C3orf52: variants seen among roughly 807,000 people sequenced by gnomAD.
C3orf52 encodes the protein chromosome 3 open reading frame 52.
A neutral mutation model predicts 24.8 loss-of-function variants in C3orf52; 22 were observed. The ratio of observed to expected loss-of-function variants is 0.89; its 90% CI spans 0.63 to 1.27. The LOEUF is 1.27. Ranked by LOEUF, C3orf52 falls within the 50% of genes most tolerant of loss-of-function variation. The pLI is 0.00. For missense variants in C3orf52, 265 were observed against 260.7 expected, an observed-to-expected ratio of 1.02 and a Z score of -0.11; for synonymous variants, 93 against 100.2, an observed-to-expected ratio of 0.93 and a Z score of 0.43.
At chr3:112,098,286 C>T (rs1223194562) in intron 2 of C3orf52, among the ~76,000 whole-genome samples, 1 of 152,198 alleles carries the variant, frequency 6.6e-6, no homozygotes, top group Non-Finnish European at 1.5e-5. Context: ...TTAGCTCTGC[C>T]AACTTCATTA....
In C3orf52 at chr3:112,128,129, T is replaced by G; in HGVS notation, c.*47-104T>G. The stretch of plus-strand genomic sequence containing the variant: ...TGCAGCTTTGTTAAGGTGACTCCTT[T>G]CCTTTTGCCATTTCTGTGGAAAACT... On this transcript the variant is annotated intron_variant, in intron 4 of 4. Coordinates refer to the C3orf52 transcript ENST00000480282. 4 of 1,438,174 alleles carry G rather than the reference T, an allele frequency of 2.8e-6. No homozygotes were observed. In the South Asian group the frequency reaches 3.4e-5, roughly 12 times the overall value. 89.1% of individuals were successfully genotyped at this position (1,438,174 alleles called of 1,614,324 possible). A position where few individuals can be genotyped will look rare whatever the true frequency, so the allele number is the denominator to read the frequency against.
At chr3:112,101,547 A>G (rs1330386646) in intron 2 of C3orf52, among the ~76,000 whole-genome samples, 1 of 152,120 alleles carries the variant, frequency 6.6e-6, no homozygotes, top group Non-Finnish European at 1.5e-5. Flanking sequence ...CATCAGGGGA[A>G]AATCCAGGTT....
intron 1 of C3orf52, among the ~76,000 whole-genome samples, chr3:112,088,630 A>G (rs1368454001): frequency 6.6e-6 from 1 of 151,968 alleles, no homozygotes; most frequent in Admixed American, 6.5e-5. Flanking sequence ...TGTTTTTTAG[A>G]TCTCAAACCT....
chr3:112,102,475 C>T (rs2073982011), intron 2 of C3orf52, among the ~76,000 whole-genome samples: 1 of 152,154 alleles, frequency 6.6e-6, no homozygotes, highest in Non-Finnish European at 1.5e-5. Context: ...TTAGCCACCC[C>T]CACCGTCTCC....
chr3:112,108,279 T>C (rs2074046217), intron 3 of C3orf52, among the ~76,000 whole-genome samples: 1 of 152,210 alleles, frequency 6.6e-6, no homozygotes, highest in Non-Finnish European at 1.5e-5. Context: ...AGCGAGGCAG[T>C]ACAAATTAAA....
At chr3:112,132,045 A>G (rs1224481655), downstream of C3orf52, among the ~76,000 whole-genome samples, 1 of 152,212 alleles carries the variant, frequency 6.6e-6, no homozygotes, top group Non-Finnish European at 1.5e-5. Flanking sequence ...TCAAAGATAA[A>G]TAAGAAACAA....
rs184988590 is a variant in C3orf52, at chr3:112,114,497, A to G, written c.649+1352A>G. Among the ~76,000 whole-genome samples the G allele has an allele frequency of 2.6e-5, 4 of 151,734 alleles. No homozygotes were observed. The East Asian group carries it at 7.8e-4, about 29-fold the overall frequency. ...GGCAGTTGGATCACCTGAGGTCAGG[A>G]GTTCGAGACAAGCCTGGCCAACATG... On this transcript the variant is annotated intron_variant, in intron 5 of 5. Coordinates refer to ENST00000264848, the MANE Select transcript of C3orf52 (RefSeq NM_024616.3).
intron 4 of C3orf52, chr3:112,125,281 A>G: frequency 1.3e-6 from 2 of 1,516,188 alleles, no homozygotes; most frequent in South Asian, 1.1e-5. Flanking sequence ...CACTCAATGA[A>G]TTTCAGGTTA....
rs1438825832 is a variant in C3orf52, at chr3:112,117,012, G to T, written c.*366G>T. The T allele has an allele frequency of 4.3e-5, 54 of 1,263,566 alleles. No homozygotes were observed. The highest frequency in any genetic ancestry group is 5.5e-5 in the Non-Finnish European group (50 of 914,768). 78.3% of individuals were successfully genotyped at this position (1,263,566 alleles called of 1,614,324 possible). A position where few individuals can be genotyped will look rare whatever the true frequency, so the allele number is the denominator to read the frequency against. On this transcript the variant is annotated 3_prime_UTR_variant, in exon 6 of 6. Coordinates refer to ENST00000264848, the MANE Select transcript of C3orf52 (RefSeq NM_024616.3). ...TCTGTCGCTTAGCTGGAGTGCGGTG[G>T]CGTGATCATGGCACTGCTATTCTTG...
chr3:112,117,870 A>G lies in C3orf52; in HGVS notation c.*1224A>G, dbSNP rs1418541490. ...TGTGAGAGATCTCGCCTCTCAGTTAAATGAGCCCTGGGTTAAAGTCAGTGT... is the reference window on the plus strand; with the variant it reads ...TGTGAGAGATCTCGCCTCTCAGTTAGATGAGCCCTGGGTTAAAGTCAGTGT... On this transcript the variant is annotated 3_prime_UTR_variant, in exon 6 of 6. Transcript: ENST00000264848. 6.6e-6 allele frequency: 1 copy of G among 151,754 alleles called. No individual in the cohort carries two copies. Among genetic ancestry groups the G allele is most frequent in the Non-Finnish European group, 1.5e-5 (1 of 67,884 alleles). 9.4% of individuals were successfully genotyped at this position (151,754 alleles called of 1,614,324 possible).
chr3:112,118,691 G>A (rs2074161540), downstream of C3orf52, among the ~76,000 whole-genome samples: 1 of 152,086 alleles, frequency 6.6e-6, no homozygotes, highest in Admixed American at 6.5e-5. Flanking sequence ...CCTTACAAAT[G>A]CACTGTTCTG....
At chr3:112,091,900 A>G (rs1465127207) in intron 1 of C3orf52, among the ~76,000 whole-genome samples, 2 of 152,104 alleles carry the variant, frequency 1.3e-5, no homozygotes, top group East Asian at 3.9e-4. Context: ...GCTACTCGGG[A>G]GGCTGAGGCA....
intron 2 of C3orf52, among the ~76,000 whole-genome samples, chr3:112,100,392 G>A (rs553588676): frequency 2.0e-4 from 30 of 152,292 alleles, no homozygotes; most frequent in East Asian, 9.6e-4. Context: ...GTATAGCCCA[G>A]ATTATCTCAT....
chr3:112,104,084 G>A (rs770826596), intron 3 of C3orf52, among the ~76,000 whole-genome samples: 18 of 152,178 alleles, frequency 1.2e-4, no homozygotes, highest in Non-Finnish European at 2.2e-4. Context: ...GAAGATTTGC[G>A]TGAGATTTAA....
At chr3:112,097,473 G>C (rs1255814502) in intron 2 of C3orf52, among the ~76,000 whole-genome samples, 1 of 152,112 alleles carries the variant, frequency 6.6e-6, no homozygotes, top group African/African-American at 2.4e-5. Flanking sequence ...CTGTGGTACT[G>C]AGATATAAGC....
At chr3:112,102,994 A>G (rs761898694) in intron 3 of C3orf52, 29 bp downstream of exon 3, 1 of 1,604,912 alleles carries the variant, frequency 6.2e-7, no homozygotes, top group South Asian at 1.1e-5. Flanking sequence ...TTGCCTAAGG[A>G]GTTCTTGACA....
downstream of C3orf52, chr3:112,123,195 C>G (rs949945239): frequency 1.6e-5 from 9 of 548,632 alleles, no homozygotes; most frequent in African/African-American, 1.5e-4. Context: ...GCCCCTCCTA[C>G]CACTATACTC....
At chr3:112,119,379 C>A, downstream of C3orf52, 1 of 672,988 alleles carries the variant, frequency 1.5e-6, no homozygotes. Context: ...CCATAACAAA[C>A]AAACAAACAA....
chr3:112,114,374 G>A (rs1231626202), intron 5 of C3orf52, among the ~76,000 whole-genome samples: 1 of 150,060 alleles, frequency 6.7e-6, no homozygotes, highest in African/African-American at 2.5e-5. Flanking sequence ...TGTGTGTGGA[G>A]TGAAGAGATT....
Sources: gnomAD v4.1 joint callset for allele counts (sites outside exome capture counted in the v4.1 genomes callset) on GRCh38, gnomAD v4.1.1 for gene constraint, MANE v1.5 for transcripts, NCBI Gene and HGNC (gene_info 2026-07-23, HGNC 2026-07-21) for gene names.